The following KIFBP variants were observed in gnomAD, a reference collection of about 807,000 sequenced individuals.
The protein encoded by KIFBP is KIF-binding protein.
KIFBP carries 46 observed loss-of-function variants against 58.9 expected under a neutral mutation model. That is an observed-to-expected ratio of 0.78 (90% confidence interval 0.62 to 1.00). KIFBP has a LOEUF of 1.00. Ranked by LOEUF, KIFBP falls within the 50% of genes least tolerant of loss-of-function variation. The probability of loss-of-function intolerance (pLI) is 0.00; values close to 1 mark genes in which losing one functional copy is unlikely to be tolerated. For missense variants in KIFBP, 651 were observed against 752.9 expected (o/e 0.86, Z 1.58); for synonymous variants, 241 against 283.4 (o/e 0.85, Z 1.50).
At chr10:69,002,549 C>G (rs1843479403) in intron 2 of KIFBP, among the ~76,000 whole-genome samples, 4 of 152,162 alleles carry the variant, frequency 2.6e-5, no homozygotes, top group Admixed American at 2.6e-4. Flanking sequence ...CCCTTTCTTG[C>G]TTTTAGGCTC....
chr10:69,013,002 G>A (rs935969642), intron 6 of KIFBP, among the ~76,000 whole-genome samples: 6 of 152,022 alleles, frequency 3.9e-5, no homozygotes, highest in South Asian at 4.1e-4. Flanking sequence ...GGCGGAAGGC[G>A]AAAGAGAAGC....
intron 1 of KIFBP, among the ~76,000 whole-genome samples, chr10:68,992,871 G>A (rs77986487): frequency 0.037 from 5,694 of 152,104 alleles, 351 homozygotes; most frequent in African/African-American, 0.13. Flanking sequence ...ATTAAGGAAG[G>A]TTATTGCTAG....
chr10:69,005,741 G>T lies in KIFBP; in HGVS notation c.615G>T (p.Lys205Asn). The T allele has an allele frequency of 6.2e-7, 1 of 1,607,386 alleles. No homozygotes were observed. Among genetic ancestry groups the T allele is most frequent in the Middle Eastern group, 1.7e-4 (1 of 6,026 alleles). Residue 205 changes from lysine to asparagine, a missense_variant, in exon 4 of 7, where the codon AAG (lysine) becomes AAT (asparagine). By Grantham distance (94) the Lys-to-Asn change is moderately conservative. Coordinates refer to ENST00000361983, the MANE Select transcript of KIFBP (RefSeq NM_015634.4). ...TATTTTTTCTTTACAGATTTGAAAA[G>T]GTTTATACTCATAACCTATATTACC... is the stretch of plus-strand genomic sequence containing the variant. ...TEQERSKRFE[K>N]VYTHNLYYLA...
At chr10:69,009,309 A>G (rs747049814) in intron 5 of KIFBP, among the ~76,000 whole-genome samples, 15 of 152,122 alleles carry the variant, frequency 9.9e-5, no homozygotes, top group Non-Finnish European at 2.2e-4. Context: ...CCTGATCAAC[A>G]TAGTGAGACC....
At chr10:68,993,556 T>A (rs867088392) in intron 1 of KIFBP, among the ~76,000 whole-genome samples, 9 of 152,288 alleles carry the variant, frequency 5.9e-5, no homozygotes, top group African/African-American at 2.2e-4. Context: ...ATTAGTAGCC[T>A]GAGGTCAACA....
chr10:68,989,400 G>A, intron 1 of KIFBP, 142 bp downstream of exon 1: 1 of 909,272 alleles, frequency 1.1e-6, no homozygotes, highest in Non-Finnish European at 1.7e-6. Context: ...CCCAAAGAGC[G>A]TCTGTGGTCT....
At chr10:69,003,954 C>T (rs58476490) in intron 2 of KIFBP, among the ~76,000 whole-genome samples, 56,489 of 151,842 alleles carry the variant, frequency 0.37, 11,617 homozygotes, top group Non-Finnish European at 0.49. Context: ...GGCACGGTGG[C>T]TTACACCTGT....
At chr10:69,004,388 A>T (rs1843508721) in intron 2 of KIFBP, among the ~76,000 whole-genome samples, 1 of 149,484 alleles carries the variant, frequency 6.7e-6, no homozygotes, top group African/African-American at 2.5e-5. Flanking sequence ...AATAAGAATT[A>T]AAAAAAGAAA....
chr10:69,009,069 GA>G, intron 5 of KIFBP, 144 bp downstream of exon 5: 1 of 666,504 alleles, frequency 1.5e-6, no homozygotes, highest in Non-Finnish European at 2.7e-6. Context: ...TCCTCGCTTG[GA>G]ATCAAATTTT....
intron 2 of KIFBP, among the ~76,000 whole-genome samples, chr10:69,004,475 A>G (rs1843509999): frequency 1.3e-5 from 2 of 152,240 alleles, no homozygotes; most frequent in African/African-American, 2.4e-5. Context: ...CTGCAACAAC[A>G]GTAAAATTTT....
intron 3 of KIFBP, 32 bp from the exon 4 acceptor site, chr10:69,005,700 T>G: frequency 6.6e-7 from 1 of 1,517,672 alleles, no homozygotes; most frequent in African/African-American, 1.4e-5. Context: ...AGTAAACCAT[T>G]ACACAAATAT....
At chr10:68,998,771 ATTTTTTTTTT>A (rs869186033) in intron 1 of KIFBP, among the ~76,000 whole-genome samples, 1 of 99,856 alleles carries the variant, frequency 1.0e-5, no homozygotes. Flanking sequence ...ATATATATAT[ATTTTTTTTTT>A]TTTTTTTTTT....
intron 6 of KIFBP, among the ~76,000 whole-genome samples, chr10:69,014,085 A>G (rs529908575): frequency 3.8e-4 from 58 of 152,214 alleles, no homozygotes; most frequent in African/African-American, 1.2e-3. Context: ...TTCATCCTTT[A>G]TCATCTGTAT....
chr10:68,991,928 G>A (rs1219215573), intron 1 of KIFBP, among the ~76,000 whole-genome samples: 1 of 150,636 alleles, frequency 6.6e-6, no homozygotes, highest in Non-Finnish European at 1.5e-5. Flanking sequence ...CTTAGGCAAA[G>A]TTTAGACTGT....
chr10:69,016,179 C>T lies in KIFBP; in HGVS notation c.1629C>T (p.Ala543=), dbSNP rs757241327. The T allele has an allele frequency of 4.3e-6, 7 of 1,613,750 alleles. No individual in the cohort carries two copies. In the South Asian group the frequency reaches 6.6e-5, roughly 15 times the overall value. The part of the protein sequence containing the change: ...EHIGEDVLRP[A]MLAKFRVARL... ...TAGGGGAAGATGTTCTTCGCCCTGCCATGTTAGCTAAGTTTCGAGTTGCCC... is the reference window on the plus strand; with the variant it reads ...TAGGGGAAGATGTTCTTCGCCCTGCTATGTTAGCTAAGTTTCGAGTTGCCC... The change falls in exon 7 of 7, where the codon GCC becomes GCT. Residue 543 remains alanine, a synonymous_variant. Transcript: ENST00000361983.
In KIFBP at chr10:68,989,179, A is replaced by G. The variant is rs769531440; in HGVS notation, c.347A>G (p.Glu116Gly). ...IDTEELSAGE[E>G]HLVKCLRLLR... Reference sequence around the variant, plus strand: ...ACGGAGGAGCTGTCGGCGGGGGAGGAGCACCTGGTGAAATGCCTGCGGCTG... The same window carrying G: ...ACGGAGGAGCTGTCGGCGGGGGAGGGGCACCTGGTGAAATGCCTGCGGCTG... The change falls in exon 1 of 7, where the codon GAG becomes GGG. Residue 116 changes from glutamate to glycine, a missense_variant. Transcript: ENST00000361983. The G allele has an allele frequency of 4.3e-6, 7 of 1,613,620 alleles. No homozygotes were observed. Among genetic ancestry groups the G allele is most frequent in the Admixed American group, 1.7e-5 (1 of 60,000 alleles).
intron 2 of KIFBP, among the ~76,000 whole-genome samples, chr10:69,002,015 A>T (rs1564635928): frequency 1.3e-5 from 2 of 152,082 alleles, no homozygotes; most frequent in African/African-American, 2.4e-5. Flanking sequence ...ACAAAAAATT[A>T]AAAAATTTGC....
intron 2 of KIFBP, among the ~76,000 whole-genome samples, chr10:69,002,525 G>C (rs996418399): frequency 5.3e-5 from 8 of 151,956 alleles, no homozygotes; most frequent in Non-Finnish European, 1.0e-4. Flanking sequence ...AAACCAAATA[G>C]AGATATTAGT....
chr10:68,993,197 C>G (rs1843368956), intron 1 of KIFBP, among the ~76,000 whole-genome samples: 1 of 152,172 alleles, frequency 6.6e-6, no homozygotes, highest in African/African-American at 2.4e-5. Context: ...GGCTCTGTGT[C>G]TTGGCTTGTT....
Sources: allele counts gnomAD v4.1 joint callset (sites outside exome capture counted in the v4.1 genomes callset), GRCh38; gene constraint gnomAD v4.1.1; transcripts MANE v1.5; gene names NCBI Gene and HGNC (gene_info 2026-07-23, HGNC 2026-07-21).